Variants in ATP9A observed in about 807,000 individuals in gnomAD.
The protein encoded by ATP9A is probable phospholipid-transporting ATPase IIA.
In ATP9A, 52 loss-of-function variants were observed where a neutral mutation model predicts 144.1. The ratio of observed to expected loss-of-function variants is 0.36; its 90% CI spans 0.29 to 0.45. The LOEUF (loss-of-function observed/expected upper bound fraction) is 0.45, where lower values mean the gene tolerates loss of function less well. Ranked by LOEUF, ATP9A falls within the 20% of genes least tolerant of loss-of-function variation. The pLI, the probability that ATP9A is intolerant of heterozygous loss-of-function variation, is 1.00. For missense variants in ATP9A, 947 were observed against 1,392.7 expected (o/e 0.68, Z 5.09); for synonymous variants, 582 against 557.4 (o/e 1.04, Z -0.62).
intron 4 of ATP9A, among the ~76,000 whole-genome samples, chr20:51,706,428 CCA>C (rs774304751): frequency 8.4e-4 from 128 of 152,344 alleles, no homozygotes; most frequent in Middle Eastern, 3.4e-3. Flanking sequence ...TTCCCTACAT[CCA>C]CACCCATAAA....
At chr20:51,736,775 C>CAGTTTCAAAATAT (rs2077764779) in intron 1 of ATP9A, among the ~76,000 whole-genome samples, 1 of 151,230 alleles carries the variant, frequency 6.6e-6, no homozygotes, top group Non-Finnish European at 1.5e-5. Flanking sequence ...GTTATATTAA[C>CAGTTTCAAAATAT]AACAACAAAA....
intron 3 of ATP9A, among the ~76,000 whole-genome samples, chr20:51,719,852 G>C (rs1344014439): frequency 7.3e-5 from 11 of 151,284 alleles, no homozygotes. Context: ...TTCGAGACCA[G>C]CCTGGCCAAA....
At chr20:51,608,248 T>C (rs890411924) in intron 25 of ATP9A, among the ~76,000 whole-genome samples, 1 of 152,140 alleles carries the variant, frequency 6.6e-6, no homozygotes, top group African/African-American at 2.4e-5. Context: ...CAGGGGCTTT[T>C]TGCAAGTCGT....
intron 4 of ATP9A, among the ~76,000 whole-genome samples, chr20:51,704,581 G>A (rs1181853385): frequency 2.0e-5 from 3 of 152,166 alleles, no homozygotes; most frequent in Non-Finnish European, 2.9e-5. Flanking sequence ...AGGAGTTCAA[G>A]ACCAGCCTGA....
intron 6 of ATP9A, 101 bp from the exon 7 acceptor site, chr20:51,694,203 A>G: frequency 2.5e-6 from 2 of 788,294 alleles, no homozygotes; most frequent in African/African-American, 3.5e-5. Flanking sequence ...CAGCCAACCA[A>G]TGGCCAGCGA....
chr20:51,705,166 C>T (rs1490002509), intron 4 of ATP9A, among the ~76,000 whole-genome samples: 6 of 152,186 alleles, frequency 3.9e-5, no homozygotes, highest in African/African-American at 1.4e-4. Context: ...TTAATGAATG[C>T]ACCTTCCCTA....
chr20:51,754,159 C>T (rs1055802842), intron 1 of ATP9A, among the ~76,000 whole-genome samples: 1 of 152,098 alleles, frequency 6.6e-6, no homozygotes, highest in Non-Finnish European at 1.5e-5. Context: ...GCTCAGTGTT[C>T]CTGTGACTTG....
chr20:51,616,734 A>G (rs1381770926), intron 22 of ATP9A, among the ~76,000 whole-genome samples: 1 of 152,204 alleles, frequency 6.6e-6, no homozygotes, highest in Non-Finnish European at 1.5e-5. Context: ...GGCAAGGAGA[A>G]AAAGACAGAA....
At chr20:51,628,904 C>A in intron 16 of ATP9A, 76 bp downstream of exon 16, 1 of 1,265,148 alleles carries the variant, frequency 7.9e-7, no homozygotes, top group African/African-American at 1.5e-5. Flanking sequence ...ATACAGAGAC[C>A]CACCTTACCA....
chr20:51,657,477 A>G (rs966781792), intron 13 of ATP9A, among the ~76,000 whole-genome samples: 1 of 152,042 alleles, frequency 6.6e-6, no homozygotes, highest in Non-Finnish European at 1.5e-5. Flanking sequence ...CTGCACTGAA[A>G]GGGATCCCGG....
rs1290022859 is a variant in ATP9A, at chr20:51,599,584, C to T, written c.*1627G>A. 1.3e-5 allele frequency: 2 copies of T among 152,258 alleles called. No homozygotes were observed. Among genetic ancestry groups the T allele is most frequent in the Non-Finnish European group, 1.5e-5 (1 of 68,014 alleles). The allele number at this position is 152,258 out of a possible 1,614,324, so 9.4% of individuals were successfully genotyped here. ...GATGTGGTGTCAACAGCCAATTAAC[C>T]AGTACCTGCAACGTAAAGTCATTCT... On this transcript the variant is annotated 3_prime_UTR_variant, in exon 28 of 28. Coordinates refer to ENST00000338821, the MANE Select transcript of ATP9A (RefSeq NM_006045.3).
At chr20:51,612,164 T>C (rs2077187257) in intron 23 of ATP9A, among the ~76,000 whole-genome samples, 1 of 146,586 alleles carries the variant, frequency 6.8e-6, no homozygotes, top group Non-Finnish European at 1.5e-5. Flanking sequence ...ATCCCCGTTT[T>C]CCAGGTGGGA....
chr20:51,602,890 T>C (rs1045642761), intron 27 of ATP9A, among the ~76,000 whole-genome samples: 1 of 152,190 alleles, frequency 6.6e-6, no homozygotes, highest in East Asian at 1.9e-4. Context: ...ATACATCTCC[T>C]TTATACGTAA....
At chr20:51,767,090 T>C (rs63740662) in intron 1 of ATP9A, among the ~76,000 whole-genome samples, 2 of 136,730 alleles carry the variant, frequency 1.5e-5, no homozygotes, top group East Asian at 4.7e-4. Flanking sequence ...TTTTTTTTTT[T>C]AATTCCACTG....
At chr20:51,654,240 C>G (rs1315612319) in intron 14 of ATP9A, among the ~76,000 whole-genome samples, 1 of 152,156 alleles carries the variant, frequency 6.6e-6, no homozygotes, top group Admixed American at 6.5e-5. Flanking sequence ...CACAAACACC[C>G]TGCAGGCTGG....
chr20:51,761,012 T>C (rs574766103), intron 1 of ATP9A, among the ~76,000 whole-genome samples: 26 of 151,860 alleles, frequency 1.7e-4, no homozygotes, highest in African/African-American at 5.1e-4. Flanking sequence ...TGAGTGAGAG[T>C]GAGACTCCGT....
chr20:51,667,005 G>C (rs1235357516), intron 13 of ATP9A, among the ~76,000 whole-genome samples: 1 of 152,156 alleles, frequency 6.6e-6, no homozygotes, highest in African/African-American at 2.4e-5. Context: ...ACTCTCACTT[G>C]GGTAGATCTG....
chr20:51,672,884 A>T (rs1403329700), intron 11 of ATP9A, among the ~76,000 whole-genome samples: 1 of 152,134 alleles, frequency 6.6e-6, no homozygotes, highest in Admixed American at 6.6e-5. Flanking sequence ...CACTGCTCCA[A>T]TTTTTTGTAA....
At chr20:51,657,999 G>GC (rs2077394308) in intron 13 of ATP9A, among the ~76,000 whole-genome samples, 1 of 152,216 alleles carries the variant, frequency 6.6e-6, no homozygotes, top group Non-Finnish European at 1.5e-5. Flanking sequence ...ACACAGCTCA[G>GC]CCCCTGAAAG....
Sources: allele counts gnomAD v4.1 joint callset (sites outside exome capture counted in the v4.1 genomes callset), GRCh38; gene constraint gnomAD v4.1.1; transcripts MANE v1.5; gene names NCBI Gene and HGNC (gene_info 2026-07-23, HGNC 2026-07-21).